UBAP2: variants seen among roughly 807,000 people sequenced by gnomAD.
The protein encoded by UBAP2 is ubiquitin associated protein 2.
A neutral mutation model predicts 139.6 loss-of-function variants in UBAP2; 75 were observed. The observed-to-expected ratio is 0.54, with a 90% confidence interval of 0.45 to 0.65. The LOEUF (loss-of-function observed/expected upper bound fraction) is 0.65, where lower values mean the gene tolerates loss of function less well. UBAP2 is among the 30% of genes least tolerant of loss of function. The pLI, the probability that UBAP2 is intolerant of heterozygous loss-of-function variation, is 0.00. For synonymous variants in UBAP2, 526 were observed against 526.2 expected (o/e 1.00, Z 0.01); for missense variants, 1,368 against 1,369.6 (o/e 1.00, Z 0.02).
chr9:33,989,570 C>A (rs1245180934), intron 4 of UBAP2, among the ~76,000 whole-genome samples: 1 of 152,172 alleles, frequency 6.6e-6, no homozygotes, highest in Non-Finnish European at 1.5e-5. Flanking sequence ...AAATTCTTTC[C>A]CTATAGTTCT....
chr9:33,923,349 ATG>A (rs749597237), intron 25 of UBAP2, 28 bp downstream of exon 25: 2 of 1,613,870 alleles, frequency 1.2e-6, no homozygotes, highest in Non-Finnish European at 1.7e-6. Context: ...GTCTAACCCC[ATG>A]TGTCTCTGTC....
chr9:34,002,984 G>A (rs1018944114), intron 2 of UBAP2, among the ~76,000 whole-genome samples: 3 of 152,098 alleles, frequency 2.0e-5, no homozygotes, highest in Non-Finnish European at 4.4e-5. Flanking sequence ...CACAGTGCCC[G>A]GCCTATATCT....
At chr9:33,956,197 A>C (rs1259939170) in intron 10 of UBAP2, 51 bp from the exon 11 acceptor site, 1 of 1,343,836 alleles carries the variant, frequency 7.4e-7, no homozygotes, top group Non-Finnish European at 1.1e-6. Flanking sequence ...TACTAAACCC[A>C]AAACACTGAC....
chr9:33,976,345 G>A (rs2131076915), intron 6 of UBAP2, among the ~76,000 whole-genome samples: 1 of 152,312 alleles, frequency 6.6e-6, no homozygotes, highest in East Asian at 1.9e-4. Flanking sequence ...CTACAACATG[G>A]ATGAATGTTT....
In UBAP2 at chr9:34,033,336, T is replaced by C. The variant is rs966747242; in HGVS notation, c.-42+15489A>G. On this transcript the variant is annotated intron_variant, in intron 1 of 28. Transcript: ENST00000379238. ...CAACGTGGATAGAACCGGAGATCATTATGTTAAGTGAAATAACCCAGAAAC... is the reference window on the plus strand; with the variant it reads ...CAACGTGGATAGAACCGGAGATCATCATGTTAAGTGAAATAACCCAGAAAC... Among the ~76,000 whole-genome samples, 11 of 152,254 alleles carry C rather than the reference T, an allele frequency of 7.2e-5. No homozygotes were observed. The South Asian group carries it at 2.1e-3, about 29-fold the overall frequency.
intron 20 of UBAP2, among the ~76,000 whole-genome samples, 199 bp downstream of exon 20, chr9:33,927,598 G>A (rs1013471588): frequency 6.6e-6 from 1 of 152,242 alleles, no homozygotes; most frequent in African/African-American, 2.4e-5. Context: ...AAAGCTAGAA[G>A]CACGCAGAGG....
intron 6 of UBAP2, among the ~76,000 whole-genome samples, chr9:33,976,450 C>T (rs1465775568): frequency 6.6e-6 from 1 of 152,158 alleles, no homozygotes; most frequent in African/African-American, 2.4e-5. Context: ...ACATATTATA[C>T]AATTCCATTT....
chr9:33,972,884 T>A (rs1366159720), intron 7 of UBAP2, among the ~76,000 whole-genome samples: 1 of 152,154 alleles, frequency 6.6e-6, no homozygotes. Context: ...TGACATTTAT[T>A]AATAGTACAG....
chr9:33,926,854 G>A (rs1411071552), intron 21 of UBAP2, 135 bp downstream of exon 21: 2 of 995,644 alleles, frequency 2.0e-6, no homozygotes, highest in East Asian at 5.0e-5. Context: ...GGCTCAGTGG[G>A]GCAGAGACGG....
chr9:33,925,631 G>A (rs1823361446), intron 22 of UBAP2, among the ~76,000 whole-genome samples: 1 of 152,208 alleles, frequency 6.6e-6, no homozygotes. Flanking sequence ...TGCACAGTGG[G>A]GAGAAGCCGC....
intron 1 of UBAP2, among the ~76,000 whole-genome samples, chr9:34,037,176 G>T (rs1485129173): frequency 6.6e-6 from 1 of 151,986 alleles, no homozygotes; most frequent in African/African-American, 2.4e-5. Context: ...TTTTAATAGA[G>T]ACGGGGTTTC....
intron 9 of UBAP2, among the ~76,000 whole-genome samples, chr9:33,961,899 T>C (rs1827075516): frequency 6.6e-6 from 1 of 152,228 alleles, no homozygotes; most frequent in African/African-American, 2.4e-5. Flanking sequence ...TCCTTATTTA[T>C]GGAATGTTTT....
rs1249908215 is a variant in UBAP2 at position 34,016,603 on chromosome 9, T to G, written c.99+447A>C. On this transcript the variant is annotated intron_variant, in intron 2 of 28. Transcript: ENST00000379238. The stretch of plus-strand genomic sequence containing the variant: ...AGGAGTCTCGCTTTGTCACCCAGGC[T>G]GGAGGGCAGTGGCGTGATCTGGGCT... Among the ~76,000 whole-genome samples, 3 of 151,760 alleles carry G rather than the reference T, an allele frequency of 2.0e-5. No individual in the cohort carries two copies. The East Asian group carries it at 5.8e-4, about 29-fold the overall frequency.
chr9:33,929,327 T>C (rs1352037158), intron 19 of UBAP2, among the ~76,000 whole-genome samples: 3 of 152,228 alleles, frequency 2.0e-5, no homozygotes, highest in Non-Finnish European at 4.4e-5. Flanking sequence ...GGCAAGTCTC[T>C]TCTCCCTTAG....
intron 16 of UBAP2, 64 bp downstream of exon 16, chr9:33,941,585 A>T: frequency 7.4e-7 from 1 of 1,355,494 alleles, no homozygotes; most frequent in Non-Finnish European, 1.1e-6. Context: ...AGCATAATTT[A>T]ACCAAACATT....
rs1820660213 is a variant in UBAP2 at position 33,981,111 on chromosome 9, TATATATA to T, written c.520+5642_520+5648del. Among the ~76,000 whole-genome samples, 2 of 2,828 alleles carry T rather than the reference TATATATA, an allele frequency of 7.1e-4. 1 individual carries two copies. The highest frequency in any genetic ancestry group is 9.3e-3 in the Admixed American group (2 of 214). The allele number at this position is 2,828 out of a possible 152,430, so 1.9% of individuals were successfully genotyped here. Reference sequence around the variant, plus strand: ...TATATATATATATTCTGGATATATATATATATATATATATATATATATATATTCTGGA... The same window carrying T: ...TATATATATATATTCTGGATATATATTATATATATATATATATATTCTGGA... On this transcript the variant is annotated intron_variant, in intron 6 of 28. Transcript: ENST00000379238.
Position 33,941,834 on chromosome 9 carries a change from T to C in UBAP2, c.1744A>G (p.Thr582Ala). 1 of 1,613,868 alleles carries C rather than the reference T, an allele frequency of 6.2e-7. No homozygotes were observed. The change falls in exon 16 of 29, where the codon ACC (threonine) becomes GCC (alanine). Residue 582 changes from threonine to alanine, a missense_variant. Transcript: ENST00000379238. ...TATGTGGAGTTCTGTACTGCACTGG[T>C]CATTGATAAAGATGTATTCAAAGGC... ...SEPLNTSLSM[T>A]SAVQNSTYTT...
chr9:34,033,094 G>A (rs1826030224), intron 1 of UBAP2, among the ~76,000 whole-genome samples: 1 of 152,126 alleles, frequency 6.6e-6, no homozygotes, highest in Admixed American at 6.6e-5. Flanking sequence ...GCTACCATAT[G>A]ATCCAGCAAT....
In UBAP2 at chr9:33,922,418, A is replaced by G; in HGVS notation, c.*86T>C. 1.5e-6 allele frequency: 2 copies of G among 1,351,000 alleles called. No individual in the cohort carries two copies. Among genetic ancestry groups the G allele is most frequent in the Non-Finnish European group, 2.1e-6 (2 of 962,708 alleles). The allele number at this position is 1,351,000 out of a possible 1,614,324, so 83.7% of individuals were successfully genotyped here. ...CTGACACATGTCGGGAATTCTAGGA[A>G]AGGGCACTGGGCTCCCAAATACGTG... is the stretch of plus-strand genomic sequence containing the variant. On this transcript the variant is annotated 3_prime_UTR_variant, in exon 29 of 29. Transcript: ENST00000379238.
Sources: gnomAD v4.1 joint callset for allele counts (sites outside exome capture counted in the v4.1 genomes callset) on GRCh38, gnomAD v4.1.1 for gene constraint, MANE v1.5 for transcripts, NCBI Gene and HGNC (gene_info 2026-07-23, HGNC 2026-07-21) for gene names.